The following CCNY variants were observed in gnomAD, a reference collection of about 807,000 sequenced individuals.
CCNY encodes cyclin Y.
Under a neutral mutation model 42.8 loss-of-function variants are expected in CCNY, and 19 were observed. The observed-to-expected ratio is 0.44, with a 90% CI of 0.31 to 0.65. CCNY has a LOEUF of 0.65. Among genes scored for constraint, CCNY ranks in the 30% least tolerant of loss-of-function variants. The pLI, the probability that CCNY is intolerant of heterozygous loss-of-function variation, is 0.07. For synonymous variants in CCNY, 165 were observed against 162.7 expected (o/e 1.01, Z -0.11); for missense variants, 370 against 437.3 (o/e 0.85, Z 1.37).
At chr10:35,548,667 G>A (rs189460284) in intron 7 of CCNY, among the ~76,000 whole-genome samples, 24 of 152,194 alleles carry the variant, frequency 1.6e-4, no homozygotes, top group African/African-American at 3.4e-4. Context: ...TTGTTTTCGC[G>A]TTGAGTAGGC....
chr10:35,465,905 A>G (rs369858169), intron 1 of CCNY, among the ~76,000 whole-genome samples: 7 of 99,240 alleles, frequency 7.1e-5, no homozygotes, highest in Non-Finnish European at 1.0e-4. Flanking sequence ...GGGTAGGGGG[A>G]AGAGAGAGAG....
At chr10:35,274,805 C>T (rs906174735) in intron 3 of CCNY, among the ~76,000 whole-genome samples, 1 of 152,038 alleles carries the variant, frequency 6.6e-6, no homozygotes, top group African/African-American at 2.4e-5. Context: ...CATTTGCCAG[C>T]TGGATGGTCA....
intron 1 of CCNY, among the ~76,000 whole-genome samples, chr10:35,473,996 G>A (rs1335832186): frequency 6.6e-6 from 1 of 152,220 alleles, no homozygotes; most frequent in African/African-American, 2.4e-5. Flanking sequence ...AGCGCAAGGG[G>A]TCAGGGAGTT....
chr10:35,394,087 G>A (rs1184430324), intron 1 of CCNY, among the ~76,000 whole-genome samples: 11 of 152,136 alleles, frequency 7.2e-5, no homozygotes, highest in East Asian at 1.9e-4. Flanking sequence ...CCAGTGCTCC[G>A]TGCAACTTAT....
In CCNY at chr10:35,569,241, G is replaced by C. The variant is rs1485890159; in HGVS notation, c.*71G>C. 2 of 991,890 alleles carry C rather than the reference G, an allele frequency of 2.0e-6. No individual in the cohort carries two copies. The highest frequency in any genetic ancestry group is 1.6e-6 in the Non-Finnish European group (1 of 630,356). 61.4% of individuals were successfully genotyped at this position (991,890 alleles called of 1,614,324 possible). ...TAGTTTGAGAAAAGACAGACTTGGG[G>C]TGGGTTTGTTTTTGTTTTTTCTTTC... is the stretch of plus-strand genomic sequence containing the variant. On this transcript the variant is annotated 3_prime_UTR_variant, in exon 10 of 10. Transcript: ENST00000374704.
At chr10:35,284,202 G>A (rs1440153343) in intron 3 of CCNY, among the ~76,000 whole-genome samples, 1 of 152,114 alleles carries the variant, frequency 6.6e-6, no homozygotes, top group East Asian at 1.9e-4. Flanking sequence ...GTCTTCCTGC[G>A]CCTTACATGA....
intron 1 of CCNY, among the ~76,000 whole-genome samples, chr10:35,352,274 G>A (rs1836445699): frequency 1.3e-5 from 2 of 152,354 alleles, no homozygotes; most frequent in African/African-American, 4.8e-5. Flanking sequence ...AAGCTGAGAA[G>A]TTAGTGGAGT....
intron 3 of CCNY, among the ~76,000 whole-genome samples, chr10:35,258,094 G>A (rs952347478): frequency 2.6e-5 from 4 of 152,174 alleles, no homozygotes; most frequent in Admixed American, 6.5e-5. Context: ...TTGGGAGGCA[G>A]AGGTTGCAGT....
At chr10:35,541,882 C>T (rs1418703125) in intron 7 of CCNY, among the ~76,000 whole-genome samples, 1 of 151,444 alleles carries the variant, frequency 6.6e-6, no homozygotes, top group African/African-American at 2.4e-5. Flanking sequence ...TGTCATTATC[C>T]AGCATCCCTT....
chr10:35,497,726 CAA>C (rs34502756), intron 2 of CCNY, among the ~76,000 whole-genome samples: 1,590 of 73,524 alleles, frequency 0.022, 8 homozygotes, highest in African/African-American at 0.049. Context: ...GACTCCGTCT[CAA>C]AAAAAAAAAA....
intron 3 of CCNY, among the ~76,000 whole-genome samples, chr10:35,282,587 C>T (rs889831530): frequency 4.0e-5 from 6 of 151,286 alleles, no homozygotes; most frequent in African/African-American, 7.3e-5. Context: ...ATTAACTGGG[C>T]GTGGTGGCAG....
chr10:35,339,480 A>G (rs1589044561), intron 1 of CCNY, among the ~76,000 whole-genome samples: 1 of 152,224 alleles, frequency 6.6e-6, no homozygotes, highest in Non-Finnish European at 1.5e-5. Flanking sequence ...CTATATCTGT[A>G]TGTATTTGAA....
At chr10:35,412,860 C>CAAAAAAAAAAAAAAAAAAAAAAAAA (rs10558250) in intron 1 of CCNY, among the ~76,000 whole-genome samples, 4 of 34,766 alleles carry the variant, frequency 1.2e-4, no homozygotes, top group Non-Finnish European at 1.6e-4. Context: ...GACTCTGTCT[C>CAAAAAAAAAAAAAAAAAAAAAAAAA]AAAAAAAAAA....
chr10:35,356,599 C>G (rs1836555244), intron 1 of CCNY, among the ~76,000 whole-genome samples: 1 of 152,136 alleles, frequency 6.6e-6, no homozygotes, highest in Non-Finnish European at 1.5e-5. Context: ...TCTGCGCCCA[C>G]TCCTTAACCT....
intron 1 of CCNY, among the ~76,000 whole-genome samples, chr10:35,458,181 G>C (rs547707424): frequency 6.6e-6 from 1 of 152,294 alleles, no homozygotes; most frequent in East Asian, 1.9e-4. Context: ...CTGGGCTTTG[G>C]GGGTATGTCA....
At chr10:35,334,099 G>C (rs1835978927), upstream of CCNY, among the ~76,000 whole-genome samples, 1 of 152,024 alleles carries the variant, frequency 6.6e-6, no homozygotes, top group Non-Finnish European at 1.5e-5. Flanking sequence ...ACCACCCTTT[G>C]TTAAGGGTAT....
intron 3 of CCNY, among the ~76,000 whole-genome samples, chr10:35,283,257 T>C (rs1428313734): frequency 6.6e-6 from 1 of 152,234 alleles, no homozygotes; most frequent in African/African-American, 2.4e-5. Flanking sequence ...CTTCTGGTTT[T>C]ATAATTCAGT....
chr10:35,529,998 G>A lies in CCNY; in HGVS notation c.427G>A (p.Asp143Asn), dbSNP rs904853226. The A allele has an allele frequency of 3.1e-6, 5 of 1,614,040 alleles. No homozygotes were observed. Among genetic ancestry groups the A allele is most frequent in the Non-Finnish European group, 4.2e-6 (5 of 1,179,936 alleles). The change falls in exon 6 of 10, where the codon GAT (aspartate) becomes AAT (asparagine). Residue 143 changes from aspartate to asparagine, a missense_variant. Around this residue, in one of 2 missense-constraint regions of CCNY, gnomAD observed 234 missense variants for 313.1 expected, o/e 0.75. Transcript: ENST00000374704. ...GGACCCAGATGGAAGGATGCTCTTA[G>A]ATATTTTTGATGAAAATCTTCACCC... Reference protein sequence around the residue: ...NRDPDGRMLLDIFDENLHPLS... With the variant: ...NRDPDGRMLLNIFDENLHPLS...
chr10:35,366,417 T>C (rs1243938346), intron 1 of CCNY, among the ~76,000 whole-genome samples: 34 of 152,242 alleles, frequency 2.2e-4, no homozygotes. Context: ...TTCCAAAGAA[T>C]AGTACAGATC....
Sources: gnomAD v4.1 joint callset for allele counts (sites outside exome capture counted in the v4.1 genomes callset) on GRCh38, gnomAD v4.1.1 for gene constraint, gnomAD v4.1.1 regional missense constraint, MANE v1.5 for transcripts, NCBI Gene and HGNC (gene_info 2026-07-23, HGNC 2026-07-21) for gene names.